NISCH: variants seen among roughly 807,000 people sequenced by gnomAD.
NISCH encodes the protein nischarin, also known as I-1 receptor candidate protein.
In NISCH, 55 loss-of-function variants were observed where a neutral mutation model predicts 138.4. The ratio of observed to expected loss-of-function variants is 0.40; its 90% CI spans 0.32 to 0.50. NISCH has a LOEUF of 0.50. Among genes scored for constraint, NISCH ranks in the 20% least tolerant of loss-of-function variants. The probability of loss-of-function intolerance (pLI) is 0.71; values close to 1 mark genes in which losing one functional copy is unlikely to be tolerated. For missense variants in NISCH, 1,643 were observed against 2,005.5 expected (o/e 0.82, Z 3.45); for synonymous variants, 860 against 861.5 (o/e 1.00, Z 0.03).
intron 18 of NISCH, 36 bp from the exon 19 acceptor site, chr3:52,490,669 C>T: frequency 6.2e-7 from 1 of 1,613,642 alleles, no homozygotes; most frequent in Non-Finnish European, 8.5e-7. Context: ...TGCTTGCCTG[C>T]CACCGCCTCC....
intron 12 of NISCH, 71 bp downstream of exon 12, chr3:52,479,933 T>G (rs1311816805): frequency 1.6e-6 from 2 of 1,256,694 alleles, no homozygotes; most frequent in African/African-American, 1.5e-5. Context: ...TTGGGGGGCT[T>G]GGGCCATGGG....
In NISCH at chr3:52,484,651, C is replaced by T; in HGVS notation, c.1653+14C>T. The T allele has an allele frequency of 6.2e-7, 1 of 1,613,708 alleles. No homozygotes were observed. The highest frequency in any genetic ancestry group is 8.5e-7 in the Non-Finnish European group (1 of 1,179,876). On this transcript the variant is annotated intron_variant, in intron 14 of 20. Coordinates refer to ENST00000345716, the MANE Select transcript of NISCH (RefSeq NM_007184.4). ...CCTGCGGGACAGGTAATGCCCTCTT[C>T]CCGCTTCTGGGGACCATACATCTGT...
chr3:52,475,212 T>C (rs62256877), intron 7 of NISCH, among the ~76,000 whole-genome samples: 1 of 148,726 alleles, frequency 6.7e-6, no homozygotes, highest in African/African-American at 2.5e-5. Flanking sequence ...AAAAAAAAAT[T>C]GGATTTGGTG....
At chr3:52,472,679 C>T (rs1261509369) in intron 6 of NISCH, among the ~76,000 whole-genome samples, 1 of 152,182 alleles carries the variant, frequency 6.6e-6, no homozygotes, top group Non-Finnish European at 1.5e-5. Context: ...CTCATAGGGG[C>T]AGGGGGCATG....
rs1410306607 is a variant in NISCH, at chr3:52,491,658, C to T, written c.3904+145C>T. Reference sequence around the variant, plus strand: ...GGCCAGGGTTTTATGTGGGGCTTTTCGATGGCAGAGTCTCCACTCCAGCAG... The same window carrying T: ...GGCCAGGGTTTTATGTGGGGCTTTTTGATGGCAGAGTCTCCACTCCAGCAG... On this transcript the variant is annotated intron_variant, in intron 20 of 20. Transcript: ENST00000345716. The T allele has an allele frequency of 9.0e-6, 10 of 1,104,996 alleles. No homozygotes were observed. The East Asian group carries it at 1.8e-4, about 20-fold the overall frequency. 68.4% of individuals were successfully genotyped at this position (1,104,996 alleles called of 1,614,324 possible).
At chr3:52,488,963 C>T (rs1162774541) in intron 16 of NISCH, among the ~76,000 whole-genome samples, 1 of 152,330 alleles carries the variant, frequency 6.6e-6, no homozygotes, top group South Asian at 2.1e-4. Context: ...ACCCTGGCTG[C>T]TGTGCTCCTC....
At chr3:52,480,594 G>C in intron 13 of NISCH, 1 of 1,434,016 alleles carries the variant, frequency 7.0e-7, no homozygotes, top group Non-Finnish European at 9.1e-7. Context: ...ACAGGCTCGG[G>C]GCTGTTGGCT....
chr3:52,460,746 T>G (rs1309933817), intron 3 of NISCH, among the ~76,000 whole-genome samples: 1 of 152,132 alleles, frequency 6.6e-6, no homozygotes, highest in Admixed American at 6.6e-5. Flanking sequence ...TATGGACATA[T>G]TTGTCTAGGA....
At chr3:52,467,593 G>A (rs930635147) in intron 3 of NISCH, among the ~76,000 whole-genome samples, 2 of 152,230 alleles carry the variant, frequency 1.3e-5, no homozygotes, top group African/African-American at 4.8e-5. Flanking sequence ...GGAAAACCAA[G>A]TAGAAAGTGT....
chr3:52,469,543 G>GA (rs1214448350), intron 3 of NISCH, among the ~76,000 whole-genome samples: 2 of 152,206 alleles, frequency 1.3e-5, no homozygotes, highest in Non-Finnish European at 2.9e-5. Flanking sequence ...GAGGTGGGGG[G>GA]ATCTCTTGAG....
At chr3:52,470,691 TC>T (rs1246947844) in intron 3 of NISCH, 167 bp from the exon 4 acceptor site, 9 of 660,202 alleles carry the variant, frequency 1.4e-5, no homozygotes, top group East Asian at 1.3e-4. Context: ...ATACTTAGTT[TC>T]CCTTTCTAAG....
chr3:52,466,977 A>G (rs969034783), intron 3 of NISCH, among the ~76,000 whole-genome samples: 1 of 149,360 alleles, frequency 6.7e-6, no homozygotes, highest in Non-Finnish European at 1.5e-5. Context: ...TTGTAAACAT[A>G]GCTGACACTA....
intron 3 of NISCH, among the ~76,000 whole-genome samples, chr3:52,459,380 C>G (rs1025034284): frequency 2.0e-5 from 3 of 152,156 alleles, no homozygotes; most frequent in African/African-American, 7.2e-5. Flanking sequence ...CATAGGTTGC[C>G]GGTGACAGAA....
chr3:52,490,965 T>C, intron 19 of NISCH, 132 bp downstream of exon 19: 1 of 1,249,280 alleles, frequency 8.0e-7, no homozygotes, highest in South Asian at 1.4e-5. Context: ...TTAACCGGGG[T>C]GGGAGGAAGC....
Position 52,487,901 on chromosome 3 carries a change from C to G in NISCH, c.2409C>G (p.Phe803Leu). The G allele has an allele frequency of 6.2e-7, 1 of 1,612,038 alleles. No individual in the cohort carries two copies. Residue 803 changes from phenylalanine to leucine, a missense_variant, in exon 16 of 21, where the codon TTC (phenylalanine) becomes TTG (leucine). Coordinates refer to ENST00000345716, the MANE Select transcript of NISCH (RefSeq NM_007184.4). The surrounding 1 kb of genome is among the most constrained non-coding windows in gnomAD (Gnocchi z 9.1). ...IISDAANLHE[F>L]HADLRSCFAP... ...CGGACGCCGCCAACCTGCACGAGTT[C>G]CACGCGGACCTGCGCTCATGCTTTG...
intron 19 of NISCH, among the ~76,000 whole-genome samples, chr3:52,491,118 A>G (rs1362681334): frequency 1.3e-5 from 2 of 152,238 alleles, no homozygotes; most frequent in African/African-American, 4.8e-5. Context: ...TTTCCTGAGG[A>G]GAGAAAGCTA....
chr3:52,464,581 G>A (rs1250546874), intron 3 of NISCH, among the ~76,000 whole-genome samples: 1 of 115,182 alleles, frequency 8.7e-6, no homozygotes, highest in Non-Finnish European at 1.6e-5. Context: ...CTGGAGTATA[G>A]TGGCGTGATC....
chr3:52,472,164 C>T (rs1451425891), intron 5 of NISCH, 139 bp from the exon 6 acceptor site: 25 of 985,288 alleles, frequency 2.5e-5, no homozygotes, highest in Non-Finnish European at 3.4e-5. Flanking sequence ...CCCAGTGTCC[C>T]GTTAAATTAA....
intron 4 of NISCH, 142 bp from the exon 5 acceptor site, chr3:52,471,672 T>C (rs1173619604): frequency 2.2e-6 from 2 of 898,216 alleles, no homozygotes; most frequent in Non-Finnish European, 3.5e-6. Context: ...GGGCAGCAGC[T>C]CCTGCATGCC....
Sources: allele counts gnomAD v4.1 joint callset (sites outside exome capture counted in the v4.1 genomes callset), GRCh38; gene constraint gnomAD v4.1.1; non-coding constraint Gnocchi (gnomAD v3.1); transcripts MANE v1.5; gene names NCBI Gene and HGNC (gene_info 2026-07-23, HGNC 2026-07-21).